NPSR1: variants seen among roughly 807,000 people sequenced by gnomAD.
NPSR1 encodes neuropeptide S receptor.
NPSR1 carries 48 observed loss-of-function variants against 46.9 expected under a neutral mutation model. The ratio of observed to expected loss-of-function variants is 1.02; its 90% CI spans 0.81 to 1.30. The LOEUF (loss-of-function observed/expected upper bound fraction) is 1.30, where lower values mean the gene tolerates loss of function less well. Among genes scored for constraint, NPSR1 ranks in the 50% most tolerant of loss-of-function variants. The pLI, the probability that NPSR1 is intolerant of heterozygous loss-of-function variation, is 0.00. For missense variants in NPSR1, 450 were observed against 449.5 expected, an observed-to-expected ratio of 1.00 and a Z score of -0.01; for synonymous variants, 176 against 168.1, an observed-to-expected ratio of 1.05 and a Z score of -0.36.
chr7:34,792,500 A>C (rs549185020), intron 3 of NPSR1, among the ~76,000 whole-genome samples: 51 of 143,246 alleles, frequency 3.6e-4, no homozygotes, highest in African/African-American at 7.9e-4. Context: ...TCTCTACAAA[A>C]ACACACACAC....
At chr7:34,661,428 T>G (rs1002117185) in intron 1 of NPSR1, among the ~76,000 whole-genome samples, 3 of 152,194 alleles carry the variant, frequency 2.0e-5, no homozygotes, top group African/African-American at 7.2e-5. Flanking sequence ...GCTGTCTTGC[T>G]CCGTCCACTT....
chr7:34,792,635 GTA>G (rs1218525381), intron 3 of NPSR1, among the ~76,000 whole-genome samples: 1 of 74,892 alleles, frequency 1.3e-5, no homozygotes, highest in Non-Finnish European at 3.0e-5. Flanking sequence ...GTGTGTGTGT[GTA>G]TGTGTATATA....
At chr7:34,850,041 A>G, downstream of NPSR1, 3 of 959,296 alleles carry the variant, frequency 3.1e-6, no homozygotes, top group Non-Finnish European at 3.7e-6. Context: ...CAATAGAAGA[A>G]AATAAAAGAC....
downstream of NPSR1, among the ~76,000 whole-genome samples, chr7:34,851,146 G>T (rs1790922003): frequency 6.6e-6 from 1 of 150,624 alleles, no homozygotes; most frequent in South Asian, 2.1e-4. Flanking sequence ...AAATCTCCTT[G>T]GCAAAATCCT....
chr7:34,740,510 C>G (rs2128718670), intron 2 of NPSR1, among the ~76,000 whole-genome samples: 1 of 152,186 alleles, frequency 6.6e-6, no homozygotes, highest in South Asian at 2.1e-4. Flanking sequence ...GCAGCACTCC[C>G]CAAGGACCCC....
chr7:34,867,478 G>A (rs1049546002), intron 8 of NPSR1, among the ~76,000 whole-genome samples: 1 of 151,856 alleles, frequency 6.6e-6, no homozygotes, highest in African/African-American at 2.4e-5. Context: ...AATTGGCCAG[G>A]CCAGCTCCTC....
chr7:34,823,398 A>AG (rs1789654082), intron 4 of NPSR1, among the ~76,000 whole-genome samples: 1 of 125,672 alleles, frequency 8.0e-6, no homozygotes, highest in Admixed American at 8.0e-5. Context: ...AGACTTCACC[A>AG]GAAAAAAAAA....
Position 34,818,900 on chromosome 7 carries a change from C to A in NPSR1, c.478+7037C>A, listed in dbSNP as rs374749352. 5.9e-5 allele frequency among the ~76,000 whole-genome samples: 9 copies of A among 152,298 alleles called. No individual in the cohort carries two copies. The East Asian group carries it at 1.4e-3, about 23-fold the overall frequency. ...GCTGACACTGGATCCCTTCCTTACA[C>A]CTTATACGAAAATTAACTCAAGATG... On this transcript the variant is annotated intron_variant, in intron 4 of 8. Coordinates refer to ENST00000360581, the MANE Select transcript of NPSR1 (RefSeq NM_207172.2).
intron 8 of NPSR1, among the ~76,000 whole-genome samples, chr7:34,868,231 G>A (rs1262751576): frequency 6.6e-6 from 1 of 151,612 alleles, no homozygotes; most frequent in African/African-American, 2.4e-5. Context: ...GTTAGGAAGG[G>A]TCTAAAACCT....
chr7:34,825,859 GGGA>G (rs1789808093), intron 4 of NPSR1, among the ~76,000 whole-genome samples: 1 of 152,132 alleles, frequency 6.6e-6, no homozygotes, highest in Non-Finnish European at 1.5e-5. Flanking sequence ...AGCAACCTGG[GGGA>G]GGAGGAGGAA....
At chr7:34,829,234 G>A (rs1246494072) in intron 5 of NPSR1, among the ~76,000 whole-genome samples, 2 of 152,140 alleles carry the variant, frequency 1.3e-5, no homozygotes. Flanking sequence ...GATTGAGATG[G>A]GCAAGCACAT....
chr7:34,677,250 C>T (rs185854952), intron 1 of NPSR1, among the ~76,000 whole-genome samples: 3 of 150,142 alleles, frequency 2.0e-5, no homozygotes, highest in African/African-American at 7.3e-5. Context: ...GAAGCCTCTT[C>T]CATTAGGCAG....
chr7:34,859,651 G>A (rs1273699335), intron 8 of NPSR1, among the ~76,000 whole-genome samples: 3 of 151,740 alleles, frequency 2.0e-5, no homozygotes, highest in Non-Finnish European at 4.4e-5. Context: ...ATAACTATCT[G>A]ACAGACTTTA....
chr7:34,735,454 C>T (rs1303044218), intron 2 of NPSR1, among the ~76,000 whole-genome samples: 1 of 152,152 alleles, frequency 6.6e-6, no homozygotes, highest in African/African-American at 2.4e-5. Context: ...TTTTGCTGAC[C>T]TTAATAAATG....
intron 2 of NPSR1, among the ~76,000 whole-genome samples, chr7:34,738,125 A>C (rs1784767702): frequency 6.6e-6 from 1 of 152,258 alleles, no homozygotes; most frequent in African/African-American, 2.4e-5. Flanking sequence ...TTTTGGAGGC[A>C]TAAAGAGCCA....
chr7:34,691,817 A>AG (rs930028723), intron 2 of NPSR1, among the ~76,000 whole-genome samples: 7 of 151,964 alleles, frequency 4.6e-5, no homozygotes, highest in Admixed American at 1.3e-4. Flanking sequence ...GAAATCAACA[A>AG]AAAATCTCTG....
At chr7:34,819,175 A>G (rs1337122353) in intron 4 of NPSR1, among the ~76,000 whole-genome samples, 4 of 152,186 alleles carry the variant, frequency 2.6e-5, no homozygotes, top group Non-Finnish European at 5.9e-5. Context: ...ACCCATCTGA[A>G]AAGGGCTAAT....
Position 34,792,680 on chromosome 7 carries a change from T to C in NPSR1, c.384+14115T>C, listed in dbSNP as rs1183888457. ...ATATATATATTTATATATATGTATA[T>C]ATATATATGTATATATATACGTATA... On this transcript the variant is annotated intron_variant, in intron 3 of 8. Transcript: ENST00000360581. Among the ~76,000 whole-genome samples the C allele has an allele frequency of 1.2e-3, 143 of 118,478 alleles. 4 individuals carry two copies. Among genetic ancestry groups the C allele is most frequent in the African/African-American group, 4.4e-3 (139 of 31,302 alleles). 77.7% of individuals were successfully genotyped at this position (118,478 alleles called of 152,430 possible). A position where few individuals can be genotyped will look rare whatever the true frequency, so the allele number is the denominator to read the frequency against.
chr7:34,798,442 G>A lies in NPSR1; in HGVS notation c.385-13328G>A, dbSNP rs563939886. 9.9e-5 allele frequency among the ~76,000 whole-genome samples: 15 copies of A among 152,264 alleles called. No homozygotes were observed. The South Asian group carries it at 2.5e-3, about 25-fold the overall frequency. Reference sequence around the variant, plus strand: ...CCCAGCTACTCGGGAGGCTGAAGCAGGAGAATCTCTTGAACCCGGAAGGCG... The same window carrying A: ...CCCAGCTACTCGGGAGGCTGAAGCAAGAGAATCTCTTGAACCCGGAAGGCG... On this transcript the variant is annotated intron_variant, in intron 3 of 8. Coordinates refer to ENST00000360581, the MANE Select transcript of NPSR1 (RefSeq NM_207172.2).
Sources: allele counts gnomAD v4.1 joint callset (sites outside exome capture counted in the v4.1 genomes callset), GRCh38; gene constraint gnomAD v4.1.1; transcripts MANE v1.5; gene names NCBI Gene and HGNC (gene_info 2026-07-23, HGNC 2026-07-21).